ZFPM2: variants seen among roughly 807,000 people sequenced by gnomAD.
ZFPM2 encodes the protein zinc finger protein, FOG family member 2.
In ZFPM2, 20 loss-of-function variants were observed where a neutral mutation model predicts 98.6. That is an observed-to-expected ratio of 0.20 (90% CI 0.14 to 0.29). ZFPM2 has a LOEUF of 0.29. Ranked by LOEUF, ZFPM2 falls within the 10% of genes least tolerant of loss-of-function variation. The pLI is 1.00. For synonymous variants in ZFPM2, 518 were observed against 502.7 expected (o/e 1.03, Z -0.41); for missense variants, 1,310 against 1,388.6 (o/e 0.94, Z 0.90).
intron 1 of ZFPM2, among the ~76,000 whole-genome samples, chr8:105,402,696 C>T (rs1316014106): frequency 6.6e-6 from 1 of 151,982 alleles, no homozygotes; most frequent in Non-Finnish European, 1.5e-5. Flanking sequence ...CAAAATCAAA[C>T]TTTTATTTGT....
chr8:105,478,542 G>A (rs1403581212), intron 3 of ZFPM2, among the ~76,000 whole-genome samples: 1 of 152,098 alleles, frequency 6.6e-6, no homozygotes, highest in African/African-American at 2.4e-5. Context: ...GAAATTATCC[G>A]GGTGGGCTGG....
Position 105,673,036 on chromosome 8 carries a change from A to G in ZFPM2, c.532+38679A>G, listed in dbSNP as rs536249751. Among the ~76,000 whole-genome samples the G allele has an allele frequency of 6.8e-5, 10 of 146,834 alleles. No individual in the cohort carries two copies. The East Asian group carries it at 1.9e-3, about 29-fold the overall frequency. The stretch of plus-strand genomic sequence containing the variant: ...GAATGAAACCTTGCCTGTTAGTCCT[A>G]GATTTATTATTTATTTTATTCTAGC... On this transcript the variant is annotated intron_variant, in intron 5 of 7. Coordinates refer to ENST00000407775, the MANE Select transcript of ZFPM2 (RefSeq NM_012082.4).
At chr8:105,790,609 AGTT>A (rs1813580581) in intron 6 of ZFPM2, among the ~76,000 whole-genome samples, 2 of 152,064 alleles carry the variant, frequency 1.3e-5, no homozygotes. Context: ...ACTTTAAAGT[AGTT>A]TTTTCCAATT....
rs1438004050 is a variant in ZFPM2 at position 105,798,762 on chromosome 8, C to T, written c.778C>T (p.Arg260Trp). 4 of 1,613,820 alleles carry T rather than the reference C, an allele frequency of 2.5e-6. No homozygotes were observed. Among genetic ancestry groups the T allele is most frequent in the African/African-American group, 1.3e-5 (1 of 75,018 alleles). ...FPCKSCGIWY[R>W]SERNLQAHLM... The stretch of plus-strand genomic sequence containing the variant: ...TTGCAAGTCCTGTGGCATCTGGTAT[C>T]GGAGTGAGCGGAATCTGCAGGCCCA... Residue 260 changes from arginine to tryptophan, a missense_variant, in exon 7 of 8, where the codon CGG (arginine) becomes TGG (tryptophan). By Grantham distance (101) the Arg-to-Trp change is moderately radical. Transcript: ENST00000407775.
intron 1 of ZFPM2, among the ~76,000 whole-genome samples, chr8:105,377,561 C>T (rs1033160989): frequency 1.9e-4 from 25 of 133,420 alleles, no homozygotes; most frequent in African/African-American, 6.3e-4. Flanking sequence ...CAGGAGTTTG[C>T]GACCAGCTTG....
chr8:105,318,835 G>A lies in ZFPM2; in HGVS notation c.-107G>A. ...CCTGGAGTCCGGCCGGCGGCGGGCC[G>A]AGCCTGGCCAGCGGCGGCGGCGGCG... On this transcript the variant is annotated 5_prime_UTR_variant, in exon 1 of 8. Transcript: ENST00000407775. 1.5e-6 allele frequency: 1 copy of A among 651,868 alleles called. No homozygotes were observed. Among genetic ancestry groups the A allele is most frequent in the Middle Eastern group, 8.1e-4 (1 of 1,228 alleles). 40.4% of individuals were successfully genotyped at this position (651,868 alleles called of 1,614,324 possible).
At chr8:105,544,362 C>T (rs1814646254) in intron 3 of ZFPM2, among the ~76,000 whole-genome samples, 1 of 152,040 alleles carries the variant, frequency 6.6e-6, no homozygotes, top group African/African-American at 2.4e-5. Context: ...GTCTTCCTTA[C>T]CCTCCCCTAA....
chr8:105,718,341 G>A (rs1252317330), intron 5 of ZFPM2, among the ~76,000 whole-genome samples: 1 of 151,922 alleles, frequency 6.6e-6, no homozygotes, highest in African/African-American at 2.4e-5. Flanking sequence ...TCTGTCTGAT[G>A]TAAGAAGTTA....
intron 5 of ZFPM2, among the ~76,000 whole-genome samples, chr8:105,703,070 C>T (rs567415984): frequency 6.6e-5 from 10 of 152,186 alleles, no homozygotes; most frequent in South Asian, 2.1e-4. Context: ...CCCCGCCCCG[C>T]GCCCAACATT....
intron 5 of ZFPM2, among the ~76,000 whole-genome samples, chr8:105,729,681 T>A (rs1811887195): frequency 6.6e-6 from 1 of 151,646 alleles, no homozygotes; most frequent in African/African-American, 2.4e-5. Flanking sequence ...CTTATATAAC[T>A]GACTCATATT....
At chr8:105,430,050 T>A (rs1811989660) in intron 2 of ZFPM2, among the ~76,000 whole-genome samples, 2 of 152,214 alleles carry the variant, frequency 1.3e-5, no homozygotes, top group Admixed American at 1.3e-4. Context: ...CGCTTCAGAA[T>A]TCTGAGGCTC....
chr8:105,516,974 T>C (rs1187446545), intron 3 of ZFPM2, among the ~76,000 whole-genome samples: 1 of 152,210 alleles, frequency 6.6e-6, no homozygotes, highest in African/African-American at 2.4e-5. Context: ...ATAGTGTTAT[T>C]TTCTGTCCAG....
chr8:105,360,467 T>C (rs1440361377), intron 1 of ZFPM2, among the ~76,000 whole-genome samples: 3 of 152,056 alleles, frequency 2.0e-5, no homozygotes, highest in South Asian at 4.1e-4. Context: ...AACATACTTT[T>C]ATTTATTTAT....
chr8:105,444,178 C>T, intron 2 of ZFPM2, 102 bp from the exon 3 acceptor site: 1 of 862,962 alleles, frequency 1.2e-6, no homozygotes, highest in Non-Finnish European at 1.9e-6. Flanking sequence ...TATAACAAAC[C>T]TGTAATTAGA....
intron 3 of ZFPM2, among the ~76,000 whole-genome samples, chr8:105,480,416 C>T (rs1477068889): frequency 6.6e-6 from 1 of 152,168 alleles, no homozygotes; most frequent in Non-Finnish European, 1.5e-5. Flanking sequence ...TATATCTAAA[C>T]AATCTCAGGT....
intron 4 of ZFPM2, among the ~76,000 whole-genome samples, chr8:105,625,446 T>G (rs1427741799): frequency 6.6e-6 from 1 of 152,166 alleles, no homozygotes; most frequent in Non-Finnish European, 1.5e-5. Context: ...GACATCCCAA[T>G]TTAATTCAGT....
chr8:105,375,922 C>T lies in ZFPM2; in HGVS notation c.41-43222C>T, dbSNP rs140967910. Among the ~76,000 whole-genome samples, 635 of 152,220 alleles carry T rather than the reference C, an allele frequency of 4.2e-3. 3 individuals are homozygous for T. The highest frequency in any genetic ancestry group is 0.015 in the African/African-American group (613 of 41,530). On this transcript the variant is annotated intron_variant, in intron 1 of 7. Transcript: ENST00000407775. ...GAATAATAATAACAAAGAACTTTATCATCATCTATCACAAAATCCTTTCTT... is the reference window on the plus strand; with the variant it reads ...GAATAATAATAACAAAGAACTTTATTATCATCTATCACAAAATCCTTTCTT...
At chr8:105,696,944 C>T (rs1255888502) in intron 5 of ZFPM2, among the ~76,000 whole-genome samples, 1 of 152,010 alleles carries the variant, frequency 6.6e-6, no homozygotes, top group Non-Finnish European at 1.5e-5. Flanking sequence ...CCCTGATGAA[C>T]TTGATATGTA....
intron 3 of ZFPM2, among the ~76,000 whole-genome samples, chr8:105,537,036 C>T (rs1381186294): frequency 6.6e-6 from 1 of 152,080 alleles, no homozygotes; most frequent in East Asian, 1.9e-4. Context: ...TGCTAGTCTC[C>T]TTGCTAAATT....
Sources: allele counts gnomAD v4.1 joint callset (sites outside exome capture counted in the v4.1 genomes callset), GRCh38; gene constraint gnomAD v4.1.1; transcripts MANE v1.5; gene names NCBI Gene and HGNC (gene_info 2026-07-23, HGNC 2026-07-21).